Variants in PTGFRN observed in about 807,000 individuals in gnomAD.
The protein encoded by PTGFRN is prostaglandin F2 receptor negative regulator.
A neutral mutation model predicts 83.2 loss-of-function variants in PTGFRN; 35 were observed. That is an observed-to-expected ratio of 0.42 (90% CI 0.32 to 0.56). The LOEUF is 0.56. PTGFRN is among the 20% of genes least tolerant of loss of function. The pLI is 0.11. For synonymous variants in PTGFRN, 519 were observed against 498.6 expected (o/e 1.04, Z -0.55); for missense variants, 1,051 against 1,179.5 (o/e 0.89, Z 1.60).
rs1298292747 is a variant in PTGFRN at position 116,967,267 on chromosome 1, A to G, written c.1996A>G (p.Ser666Gly). 26 of 1,614,116 alleles carry G rather than the reference A, an allele frequency of 1.6e-5. No individual in the cohort carries two copies. The highest frequency in any genetic ancestry group is 2.2e-5 in the Non-Finnish European group (26 of 1,180,034). The change falls in exon 6 of 9, where the codon AGC (serine) becomes GGC (glycine). Residue 666 changes from serine to glycine, a missense_variant. Around this residue, in one of 3 missense-constraint regions of PTGFRN, gnomAD observed 719 missense variants for 836.6 expected, o/e 0.86. Coordinates refer to ENST00000393203, the MANE Select transcript of PTGFRN (RefSeq NM_020440.4). ...GACAGCCTGGTCTCCTGTCAGGGGC[A>G]GCCTTTGGCGAGAAGCAGCAACCAG... The part of the protein sequence containing the change: ...MVTAWSPVRG[S>G]LWREAATSLS...
chr1:116,928,612 A>C (rs1649715194), intron 1 of PTGFRN, among the ~76,000 whole-genome samples: 1 of 152,178 alleles, frequency 6.6e-6, no homozygotes, highest in Non-Finnish European at 1.5e-5. Context: ...GATTCCAGCA[A>C]AGTCCTGGCA....
At chr1:116,965,318 T>C (rs1650792579) in intron 5 of PTGFRN, among the ~76,000 whole-genome samples, 1 of 152,090 alleles carries the variant, frequency 6.6e-6, no homozygotes, top group Non-Finnish European at 1.5e-5. Flanking sequence ...ACAGTCTTGC[T>C]CTCTCACCCA....
In PTGFRN at chr1:116,990,117, G is replaced by A. The variant is rs1326487893; in HGVS notation, c.*3150G>A. On this transcript the variant is annotated 3_prime_UTR_variant, in exon 9 of 9. Coordinates refer to ENST00000393203, the MANE Select transcript of PTGFRN (RefSeq NM_020440.4). ...TTGGGTAAGTTCTCCTCCACTGTTT[G>A]ACCAAATTCTCAGTGATAAATATGT... is the stretch of plus-strand genomic sequence containing the variant. 6.6e-6 allele frequency: 1 copy of A among 152,634 alleles called. No homozygotes were observed. The highest frequency in any genetic ancestry group is 6.5e-5 in the Admixed American group (1 of 15,280). The allele number at this position is 152,634 out of a possible 1,614,324, so 9.5% of individuals were successfully genotyped here. A position where few individuals can be genotyped will look rare whatever the true frequency, so the allele number is the denominator to read the frequency against.
At chr1:116,977,802 A>G (rs548248463) in intron 7 of PTGFRN, among the ~76,000 whole-genome samples, 1 of 152,236 alleles carries the variant, frequency 6.6e-6, no homozygotes, top group Admixed American at 6.5e-5. Context: ...TAACATCACA[A>G]TTAAAAGAAC....
Position 116,984,907 on chromosome 1 carries a change from G to A in PTGFRN, c.2395G>A (p.Val799Met), listed in dbSNP as rs758977513. The change falls in exon 8 of 9, where the codon GTG becomes ATG. Residue 799 changes from valine (V) to methionine (M), a missense_variant. Coordinates refer to ENST00000393203, the MANE Select transcript of PTGFRN (RefSeq NM_020440.4). The part of the protein sequence containing the change: ...GNYYCSVTPW[V>M]KSPTGSWQKE... The stretch of plus-strand genomic sequence containing the variant: ...CTACTACTGTTCCGTGACTCCATGG[G>A]TGAAGTCACCAACAGGTTCCTGGCA... 1 of 1,614,174 alleles carries A rather than the reference G, an allele frequency of 6.2e-7. No individual in the cohort carries two copies. The highest frequency in any genetic ancestry group is 2.2e-5 in the East Asian group (1 of 44,880).
chr1:116,911,589 T>C (rs1438767862), intron 1 of PTGFRN, among the ~76,000 whole-genome samples: 1 of 152,230 alleles, frequency 6.6e-6, no homozygotes, highest in East Asian at 1.9e-4. Flanking sequence ...TGCAGAAAGC[T>C]TCCAGATCTT....
chr1:116,923,983 C>T lies in PTGFRN; in HGVS notation c.49+13731C>T, dbSNP rs1478042836. 6.6e-6 allele frequency among the ~76,000 whole-genome samples: 1 copy of T among 151,886 alleles called. No individual in the cohort carries two copies. Among genetic ancestry groups the T allele is most frequent in the Non-Finnish European group, 1.5e-5 (1 of 68,000 alleles). Reference sequence around the variant, plus strand: ...AGAGGTGGCATGGACGAAGTGTCATCCAAGGATTGTTAAACGAAAGGGGAA... The same window carrying T: ...AGAGGTGGCATGGACGAAGTGTCATTCAAGGATTGTTAAACGAAAGGGGAA... On this transcript the variant is annotated intron_variant, in intron 1 of 8. Coordinates refer to ENST00000393203, the MANE Select transcript of PTGFRN (RefSeq NM_020440.4). The surrounding 1 kb of genome is among the most constrained non-coding windows in gnomAD (Gnocchi z 4.0).
Position 116,984,812 on chromosome 1 carries a change from G to T in PTGFRN, c.2300G>T (p.Ser767Ile). 1 of 1,614,084 alleles carries T rather than the reference G, an allele frequency of 6.2e-7. No homozygotes were observed. The highest frequency in any genetic ancestry group is 8.5e-7 in the Non-Finnish European group (1 of 1,180,020). The change falls in exon 8 of 9, where the codon AGC (serine) becomes ATC (isoleucine). Residue 767 changes from serine (S) to isoleucine (I), a missense_variant. By Grantham distance (142) the Ser-to-Ile change is moderately radical. Around this residue, in one of 3 missense-constraint regions of PTGFRN, gnomAD observed 719 missense variants for 836.6 expected, o/e 0.86. Transcript: ENST00000393203. ...TSRRDWKSDL[S>I]LERVSVLEFL... is the part of the protein sequence containing the mutation. ...CGGAGGGACTGGAAGAGCGACCTCA[G>T]CCTGGAGCGCGTGAGTGTGCTGGAA...
intron 1 of PTGFRN, among the ~76,000 whole-genome samples, chr1:116,931,142 G>C (rs574941712): frequency 6.6e-6 from 1 of 152,300 alleles, no homozygotes; most frequent in East Asian, 1.9e-4. Flanking sequence ...ACGTTGCTCA[G>C]AGGTCATGCT....
At chr1:116,920,334 A>G (rs1452538002) in intron 1 of PTGFRN, among the ~76,000 whole-genome samples, 1 of 152,262 alleles carries the variant, frequency 6.6e-6, no homozygotes, top group African/African-American at 2.4e-5. Flanking sequence ...AGCCATTTCT[A>G]GATGACAGAC....
chr1:116,935,121 T>C (rs949769124), intron 1 of PTGFRN, among the ~76,000 whole-genome samples: 7 of 152,206 alleles, frequency 4.6e-5, no homozygotes, highest in Admixed American at 4.6e-4. Flanking sequence ...CCCTTCAATG[T>C]ATCTTTCATG....
At chr1:116,966,751 A>G (rs1053023624) in intron 5 of PTGFRN, among the ~76,000 whole-genome samples, 160 bp from the exon 6 acceptor site, 1 of 152,250 alleles carries the variant, frequency 6.6e-6, no homozygotes, top group Non-Finnish European at 1.5e-5. Flanking sequence ...GCCTGCTTAT[A>G]GATACACATG....
Position 116,947,309 on chromosome 1 carries a change from C to T in PTGFRN, c.833-1883C>T, listed in dbSNP as rs568628219. On this transcript the variant is annotated intron_variant, in intron 3 of 8. Transcript: ENST00000393203. ...ATGGGAGTGGTCTGGTTGCTGCAAA[C>T]TTTGTCTGATTTATGGATTTAGTTA... is the stretch of plus-strand genomic sequence containing the variant. Among the ~76,000 whole-genome samples, 11 of 152,376 alleles carry T rather than the reference C, an allele frequency of 7.2e-5. No homozygotes were observed. In the South Asian group the frequency reaches 1.4e-3, roughly 20 times the overall value.
intron 6 of PTGFRN, among the ~76,000 whole-genome samples, chr1:116,969,629 A>G (rs1434169098): frequency 6.6e-6 from 1 of 152,130 alleles, no homozygotes; most frequent in African/African-American, 2.4e-5. Context: ...TAATTTCTAC[A>G]GTCCAGGCAT....
chr1:116,946,255 C>T (rs189530507), intron 3 of PTGFRN, among the ~76,000 whole-genome samples: 14 of 152,272 alleles, frequency 9.2e-5, no homozygotes, highest in Non-Finnish European at 2.1e-4. Context: ...GCTCTTTACT[C>T]TGCACTTACA....
chr1:116,941,585 A>G lies in PTGFRN; in HGVS notation c.50-130A>G. ...TAGGCTTAACCTTCTGCATAGATACATTTTCCCTAGTAGTTTGGCTGTCAC... is the reference window on the plus strand; with the variant it reads ...TAGGCTTAACCTTCTGCATAGATACGTTTTCCCTAGTAGTTTGGCTGTCAC... On this transcript the variant is annotated intron_variant, in intron 1 of 8. Coordinates refer to ENST00000393203, the MANE Select transcript of PTGFRN (RefSeq NM_020440.4). This position sits in a 1 kb window ranked among gnomAD's most constrained non-coding sequence, Gnocchi z 5.0. 7.8e-7 allele frequency: 1 copy of G among 1,279,452 alleles called. No homozygotes were observed. The highest frequency in any genetic ancestry group is 1.4e-5 in the South Asian group (1 of 69,248). 79.3% of individuals were successfully genotyped at this position (1,279,452 alleles called of 1,614,324 possible).
Position 116,974,197 on chromosome 1 carries a change from G to A in PTGFRN, c.2060-19G>A. On this transcript the variant is annotated intron_variant, in intron 6 of 8. Coordinates refer to ENST00000393203, the MANE Select transcript of PTGFRN (RefSeq NM_020440.4). ...AAGCATGAAAGAGAATAATGAGGCT[G>A]GCATTACTTTTTTTCCAGGTCCTAT... The A allele has an allele frequency of 1.3e-6, 2 of 1,518,822 alleles. No homozygotes were observed. The highest frequency in any genetic ancestry group is 1.8e-6 in the Non-Finnish European group (2 of 1,094,720). The allele number at this position is 1,518,822 out of a possible 1,614,324, so 94.1% of individuals were successfully genotyped here. A position where few individuals can be genotyped will look rare whatever the true frequency, so the allele number is the denominator to read the frequency against.
intron 8 of PTGFRN, among the ~76,000 whole-genome samples, chr1:116,985,889 G>A (rs114549587): frequency 0.018 from 2,774 of 152,168 alleles, 93 homozygotes; most frequent in African/African-American, 0.064. Context: ...TTGTTCCTTG[G>A]TTTACAAAAA....
chr1:116,968,722 G>A (rs1273401384), intron 6 of PTGFRN, among the ~76,000 whole-genome samples: 1 of 152,036 alleles, frequency 6.6e-6, no homozygotes, highest in Non-Finnish European at 1.5e-5. Flanking sequence ...CCATGCCCTT[G>A]CCCCTGGCAA....
Sources: gnomAD v4.1 joint callset for allele counts (sites outside exome capture counted in the v4.1 genomes callset) on GRCh38, gnomAD v4.1.1 for gene constraint, gnomAD v4.1.1 regional missense constraint, Gnocchi (gnomAD v3.1) non-coding constraint, MANE v1.5 for transcripts, NCBI Gene and HGNC (gene_info 2026-07-23, HGNC 2026-07-21) for gene names.